Variants in KMT2E observed in about 807,000 individuals in gnomAD.
KMT2E encodes the protein lysine methyltransferase 2E (inactive).
In KMT2E, 30 loss-of-function variants were observed where a neutral mutation model predicts 184.6. The observed-to-expected ratio is 0.16, with a 90% CI of 0.12 to 0.22. The LOEUF (loss-of-function observed/expected upper bound fraction) is 0.22, where lower values mean the gene tolerates loss of function less well. Ranked by LOEUF, KMT2E falls within the 10% of genes least tolerant of loss-of-function variation. KMT2E has a pLI of 1.00. For synonymous variants in KMT2E, 815 were observed against 776.5 expected (o/e 1.05, Z -0.82); for missense variants, 2,023 against 2,237.4 (o/e 0.90, Z 1.93).
rs569333122 is a variant in KMT2E at position 105,040,974 on chromosome 7, G to C, written c.22G>C (p.Gly8Arg). 3 of 1,613,144 alleles carry C rather than the reference G, an allele frequency of 1.9e-6. No individual in the cohort carries two copies. The highest frequency in any genetic ancestry group is 2.2e-5 in the South Asian group (2 of 91,014). The change falls in exon 3 of 27, where the codon GGG becomes CGG. Residue 8 changes from glycine (G) to arginine (R), a missense_variant. Transcript: ENST00000311117. The part of the protein sequence containing the change: MSIVIPL[G>R]VDTAETSYLE... The stretch of plus-strand genomic sequence containing the variant: ...CGTCATGAGCATAGTGATCCCATTG[G>C]GGGTTGATACAGCAGAGACGTCATA...
chr7:105,109,208 G>A lies in KMT2E; in HGVS notation c.3735G>A (p.Lys1245=). 2 of 1,613,806 alleles carry A rather than the reference G, an allele frequency of 1.2e-6. No individual in the cohort carries two copies. Among genetic ancestry groups the A allele is most frequent in the Non-Finnish European group, 1.7e-6 (2 of 1,179,862 alleles). The change falls in exon 23 of 27, where the codon AAG becomes AAA. Residue 1245 remains lysine (K), a synonymous_variant. Transcript: ENST00000311117. The stretch of plus-strand genomic sequence containing the variant: ...TTAAGGATGCTACTGCTAGTGAGAA[G>A]AATGAACCAGAAGTTCAATGGTAAG... ...CPVKDATASE[K]NEPEVQWTAS... is the part of the protein sequence containing the mutation.
chr7:105,024,283 A>G (rs1217218515), intron 1 of KMT2E, among the ~76,000 whole-genome samples: 2 of 152,230 alleles, frequency 1.3e-5, no homozygotes, highest in Non-Finnish European at 2.9e-5. Flanking sequence ...ACTGTGTGCC[A>G]ATATGTCTTA....
intron 6 of KMT2E, 27 bp downstream of exon 6, chr7:105,066,834 GC>G: frequency 6.8e-7 from 1 of 1,470,398 alleles, no homozygotes; most frequent in Non-Finnish European, 9.5e-7. Context: ...TGATAACATT[GC>G]CAGTAATTTT....
intron 4 of KMT2E, among the ~76,000 whole-genome samples, chr7:105,062,624 A>G (rs1796865354): frequency 6.6e-6 from 1 of 151,912 alleles, no homozygotes; most frequent in African/African-American, 2.4e-5. Context: ...TTTGAATTAT[A>G]TAGTAATTTA....
At chr7:105,038,817 A>C (rs1304755258) in intron 2 of KMT2E, among the ~76,000 whole-genome samples, 1 of 141,836 alleles carries the variant, frequency 7.1e-6, no homozygotes, top group Non-Finnish European at 1.5e-5. Flanking sequence ...GAATTTTCTC[A>C]TTATAAGATT....
chr7:105,103,926 C>G (rs1798780479), intron 17 of KMT2E: 1 of 149,070 alleles, frequency 6.7e-6, no homozygotes, highest in African/African-American at 2.5e-5. Context: ...CTCCCGGGTT[C>G]AAGTGCTTCT....
chr7:105,105,172 AAAGT>A (rs1798844922), intron 17 of KMT2E: 2 of 278,312 alleles, frequency 7.2e-6, no homozygotes, highest in Non-Finnish European at 6.6e-6. Context: ...CTCAAAAAAA[AAAGT>A]AATACAAATT....
intron 15 of KMT2E, among the ~76,000 whole-genome samples, chr7:105,091,812 A>G (rs1279296152): frequency 6.6e-6 from 1 of 152,070 alleles, no homozygotes; most frequent in Non-Finnish European, 1.5e-5. Flanking sequence ...TAGGATATAT[A>G]TTCCTTGTAC....
At chr7:105,049,261 A>T (rs116437743) in intron 3 of KMT2E, among the ~76,000 whole-genome samples, 1 of 151,662 alleles carries the variant, frequency 6.6e-6, no homozygotes, top group African/African-American at 2.4e-5. Flanking sequence ...CCTTGGCAAC[A>T]TGATGAAACC....
chr7:105,051,432 G>A (rs1417437982), intron 3 of KMT2E, among the ~76,000 whole-genome samples: 4 of 151,796 alleles, frequency 2.6e-5, no homozygotes, highest in Non-Finnish European at 5.9e-5. Context: ...TGATACGCCC[G>A]CCTCGGCCTA....
In KMT2E at chr7:105,035,125, T is replaced by C. The variant is rs188615074; in HGVS notation, c.-188-3001T>C. ...CTGCACGCTCCGCCTCCTGGGTTCA[T>C]GCCATTCTCCTGCCTCAGCCTCCCA... On this transcript the variant is annotated intron_variant, in intron 1 of 26. Coordinates refer to ENST00000311117, the MANE Select transcript of KMT2E (RefSeq NM_182931.3). Among the ~76,000 whole-genome samples, 448 of 150,236 alleles carry C rather than the reference T, an allele frequency of 3.0e-3. 15 individuals carry two copies. The East Asian group carries it at 0.062, about 21-fold the overall frequency.
Position 105,114,893 on chromosome 7 carries a change from A to C in KMT2E, c.*1560A>C, listed in dbSNP as rs796877341. Among the ~76,000 whole-genome samples the C allele has an allele frequency of 2.0e-5, 3 of 152,350 alleles. No homozygotes were observed. Among genetic ancestry groups the C allele is most frequent in the African/African-American group, 7.2e-5 (3 of 41,582 alleles). The stretch of plus-strand genomic sequence containing the variant: ...TTGCCATCCTCAATTTGTCCAACAA[A>C]ATTCTATTTATGGTATTTAGTAAAG... On this transcript the variant is annotated 3_prime_UTR_variant, in exon 27 of 27. Transcript: ENST00000311117.
In KMT2E at chr7:105,102,003, A is replaced by G; in HGVS notation, c.2005A>G (p.Arg669Gly). ...THIGQQRRRH[R>G]TVSMCSDIQP... Reference sequence around the variant, plus strand: ...CATTGGACAGCAGCGTCGGAGACACAGAACTGTCAGCATGTGTTCAGATAT... The same window carrying G: ...CATTGGACAGCAGCGTCGGAGACACGGAACTGTCAGCATGTGTTCAGATAT... Residue 669 changes from arginine (R) to glycine (G), a missense_variant, in exon 17 of 27, where the codon AGA becomes GGA. Coordinates refer to ENST00000311117, the MANE Select transcript of KMT2E (RefSeq NM_182931.3). 1.2e-6 allele frequency: 2 copies of G among 1,613,988 alleles called. No individual in the cohort carries two copies. The highest frequency in any genetic ancestry group is 1.7e-4 in the Middle Eastern group (1 of 6,060).
chr7:105,035,713 C>T (rs191835649), intron 1 of KMT2E, among the ~76,000 whole-genome samples: 82 of 152,072 alleles, frequency 5.4e-4, no homozygotes, highest in Middle Eastern at 3.4e-3. Flanking sequence ...GCATGTGCCA[C>T]CGTGCCCGGC....
rs1205988353 is a variant in KMT2E, at chr7:105,091,273, A to T, written c.1681A>T (p.Met561Leu). 2 of 1,606,876 alleles carry T rather than the reference A, an allele frequency of 1.2e-6. No individual in the cohort carries two copies. The highest frequency in any genetic ancestry group is 1.7e-6 in the Non-Finnish European group (2 of 1,173,700). Residue 561 changes from methionine to leucine, a missense_variant, in exon 15 of 27, where the codon ATG (methionine) becomes TTG (leucine). Transcript: ENST00000311117. ...AACTCCTATTAGTAATGAAGTAGAAATGGAATCAGAGGAGCAGATTGCAGA... is the reference window on the plus strand; with the variant it reads ...AACTCCTATTAGTAATGAAGTAGAATTGGAATCAGAGGAGCAGATTGCAGA... ...EKTPISNEVE[M>L]ESEEQIAERK...
rs928435132 is a variant in KMT2E at position 105,109,769 on chromosome 7, G to A, written c.3756-511G>A. Among the ~76,000 whole-genome samples the A allele has an allele frequency of 5.3e-5, 8 of 152,114 alleles. No individual in the cohort carries two copies. The East Asian group carries it at 1.4e-3, about 26-fold the overall frequency. ...CCTTCTTTTCACCAATAAATTGCTG[G>A]AGACAAAGGAATTGAGTCCTTCAAA... On this transcript the variant is annotated intron_variant, in intron 23 of 26. Transcript: ENST00000311117.
chr7:105,023,573 TAGC>T (rs1316656811), intron 1 of KMT2E, among the ~76,000 whole-genome samples: 1 of 151,620 alleles, frequency 6.6e-6, no homozygotes, highest in Non-Finnish European at 1.5e-5. Context: ...GCCTCCCTAG[TAGC>T]AGGGACTACA....
chr7:105,026,186 A>G (rs1415389711), intron 1 of KMT2E, among the ~76,000 whole-genome samples: 1 of 152,200 alleles, frequency 6.6e-6, no homozygotes, highest in Admixed American at 6.5e-5. Context: ...AGATTTCTGT[A>G]ATTCAAAAGG....
At chr7:105,101,170 C>G (rs1049735041) in intron 15 of KMT2E, among the ~76,000 whole-genome samples, 3 of 152,042 alleles carry the variant, frequency 2.0e-5, no homozygotes, top group Middle Eastern at 3.4e-3. Flanking sequence ...TTGTTTTACC[C>G]TTATCATTAA....
Sources: gnomAD v4.1 joint callset for allele counts (sites outside exome capture counted in the v4.1 genomes callset) on GRCh38, gnomAD v4.1.1 for gene constraint, MANE v1.5 for transcripts, NCBI Gene and HGNC (gene_info 2026-07-23, HGNC 2026-07-21) for gene names.